Variants in PTPRG observed in about 807,000 individuals in gnomAD.
PTPRG encodes protein tyrosine phosphatase receptor type G, also known as receptor-type tyrosine-protein phosphatase gamma.
PTPRG carries 102 observed loss-of-function variants against 165.3 expected under a neutral mutation model. The observed-to-expected ratio is 0.62, with a 90% CI of 0.53 to 0.73. PTPRG has a LOEUF of 0.73. Among genes scored for constraint, PTPRG ranks in the 30% least tolerant of loss-of-function variants. The probability of loss-of-function intolerance (pLI) is 0.00; values close to 1 mark genes in which losing one functional copy is unlikely to be tolerated. For missense variants in PTPRG, 1,866 were observed against 1,861.4 expected (o/e 1.00, Z -0.05); for synonymous variants, 675 against 669.5 (o/e 1.01, Z -0.13).
chr3:61,977,557 G>T (rs931055324), intron 2 of PTPRG, among the ~76,000 whole-genome samples: 1 of 151,752 alleles, frequency 6.6e-6, no homozygotes, highest in African/African-American at 2.4e-5. Flanking sequence ...TTCTTTACAT[G>T]ATGTGATATA....
chr3:62,094,624 G>A (rs1371465886), intron 5 of PTPRG, among the ~76,000 whole-genome samples: 1 of 152,142 alleles, frequency 6.6e-6, no homozygotes, highest in Non-Finnish European at 1.5e-5. Context: ...GATATTCTGT[G>A]CCAGGATGTA....
chr3:62,137,843 T>TA (rs1287612940), intron 6 of PTPRG, among the ~76,000 whole-genome samples: 1 of 152,186 alleles, frequency 6.6e-6, no homozygotes, highest in African/African-American at 2.4e-5. Flanking sequence ...ACAGCAATTT[T>TA]AAAAAAATTT....
intron 2 of PTPRG, among the ~76,000 whole-genome samples, chr3:61,915,743 A>T (rs1416262053): frequency 1.3e-5 from 2 of 152,184 alleles, no homozygotes; most frequent in Admixed American, 6.5e-5. Flanking sequence ...TGTAAATGGA[A>T]ATTAATTCTT....
chr3:61,847,503 C>A (rs2036840260), intron 2 of PTPRG, among the ~76,000 whole-genome samples: 2 of 152,162 alleles, frequency 1.3e-5, no homozygotes, highest in Admixed American at 6.5e-5. Context: ...CCAGGACACT[C>A]ATGCACTCAG....
Position 62,167,956 on chromosome 3 carries a change from T to G in PTPRG, c.841-15T>G, listed in dbSNP as rs751225836. On this transcript the variant is annotated splice_polypyrimidine_tract_variant and intron_variant, in intron 7 of 29. Coordinates refer to ENST00000474889, the MANE Select transcript of PTPRG (RefSeq NM_002841.4). ...GTTTTTTTTTTCCCCCTCCCCTCTC[T>G]GGTCCTCTGTTCAGCTTGAGGCTTT... 2.5e-6 allele frequency: 4 copies of G among 1,603,788 alleles called. No homozygotes were observed. The South Asian group carries it at 4.4e-5, about 18-fold the overall frequency.
intron 2 of PTPRG, among the ~76,000 whole-genome samples, chr3:61,806,585 A>G (rs1179054774): frequency 1.6e-5 from 2 of 122,798 alleles, no homozygotes; most frequent in East Asian, 3.2e-4. Context: ...ATCTTAGTGA[A>G]TATCATTTTT....
intron 2 of PTPRG, among the ~76,000 whole-genome samples, chr3:61,840,724 C>T (rs544943182): frequency 6.8e-6 from 1 of 148,000 alleles, no homozygotes; most frequent in South Asian, 2.2e-4. Context: ...AAACAATGCA[C>T]AAGTAAACAA....
chr3:62,109,983 C>T (rs1461896670), intron 5 of PTPRG, among the ~76,000 whole-genome samples: 7 of 151,758 alleles, frequency 4.6e-5, no homozygotes, highest in African/African-American at 1.7e-4. Flanking sequence ...CTGTGACATT[C>T]ATGCCCTCTC....
At chr3:62,269,206 C>T (rs1193074444) in intron 20 of PTPRG, 37 bp downstream of exon 20, 2 of 1,514,732 alleles carry the variant, frequency 1.3e-6, no homozygotes, top group Non-Finnish European at 1.8e-6. Flanking sequence ...AGGGCATCCC[C>T]TTTTTATACT....
chr3:62,204,505 T>C (rs895709562), intron 12 of PTPRG, among the ~76,000 whole-genome samples: 18 of 152,018 alleles, frequency 1.2e-4, no homozygotes, highest in Non-Finnish European at 2.4e-4. Context: ...GATGGTTAAC[T>C]GGCAAGCTGG....
intron 6 of PTPRG, among the ~76,000 whole-genome samples, chr3:62,140,522 AAATT>A (rs1193951774): frequency 6.6e-6 from 1 of 152,158 alleles, no homozygotes; most frequent in Non-Finnish European, 1.5e-5. Flanking sequence ...TCCATCCACA[AAATT>A]AATCCATAGT....
At chr3:62,075,105 G>C (rs1701341034) in intron 4 of PTPRG, among the ~76,000 whole-genome samples, 1 of 152,168 alleles carries the variant, frequency 6.6e-6, no homozygotes, top group Admixed American at 6.5e-5. Context: ...TTATCCAGAT[G>C]GGTGGAGCTG....
chr3:61,862,856 G>T (rs965083965), intron 2 of PTPRG, among the ~76,000 whole-genome samples: 2 of 152,206 alleles, frequency 1.3e-5, no homozygotes, highest in Non-Finnish European at 2.9e-5. Flanking sequence ...CAAAGACTCA[G>T]AGTGGTTTAT....
chr3:62,128,586 A>T (rs111707009), intron 5 of PTPRG, among the ~76,000 whole-genome samples: 1 of 151,682 alleles, frequency 6.6e-6, no homozygotes, highest in East Asian at 1.9e-4. Context: ...TGTACTCAGC[A>T]TTATACTCTA....
chr3:61,706,808 A>T (rs532684983), intron 1 of PTPRG, among the ~76,000 whole-genome samples: 1 of 152,142 alleles, frequency 6.6e-6, no homozygotes, highest in South Asian at 2.1e-4. Context: ...TATTATTATT[A>T]TTTTTAACTA....
At chr3:61,963,636 C>G (rs1184146143) in intron 2 of PTPRG, among the ~76,000 whole-genome samples, 1 of 152,094 alleles carries the variant, frequency 6.6e-6, no homozygotes, top group Non-Finnish European at 1.5e-5. Context: ...TCTGTTGTAT[C>G]AAGTATAAAT....
chr3:61,722,519 G>A (rs1358107343), intron 1 of PTPRG, among the ~76,000 whole-genome samples: 1 of 152,172 alleles, frequency 6.6e-6, no homozygotes, highest in African/African-American at 2.4e-5. Flanking sequence ...TCAGATACAG[G>A]ATGGGGCATC....
chr3:61,668,187 A>T (rs1702860759), intron 1 of PTPRG, among the ~76,000 whole-genome samples: 1 of 152,224 alleles, frequency 6.6e-6, no homozygotes, highest in South Asian at 2.1e-4. Context: ...ACAAATTTTT[A>T]AAAATCTTAA....
chr3:61,637,426 C>T (rs955801047), intron 1 of PTPRG, among the ~76,000 whole-genome samples: 2 of 152,030 alleles, frequency 1.3e-5, no homozygotes, highest in African/African-American at 2.4e-5. Flanking sequence ...TGAAGCAGTC[C>T]CCACAATACA....
Sources: allele counts gnomAD v4.1 joint callset (sites outside exome capture counted in the v4.1 genomes callset), GRCh38; gene constraint gnomAD v4.1.1; transcripts MANE v1.5; gene names NCBI Gene and HGNC (gene_info 2026-07-23, HGNC 2026-07-21).